The following IL31RA variants were observed in gnomAD, a reference collection of about 807,000 sequenced individuals.
IL31RA encodes the protein interleukin-31 receptor subunit alpha.
In IL31RA, 66 loss-of-function variants were observed where a neutral mutation model predicts 83.7. The ratio of observed to expected loss-of-function variants is 0.79; its 90% CI spans 0.65 to 0.97. IL31RA has a LOEUF of 0.97. IL31RA is among the 50% of genes least tolerant of loss of function. The probability of loss-of-function intolerance (pLI) is 0.00; values close to 1 mark genes in which losing one functional copy is unlikely to be tolerated. For synonymous variants in IL31RA, 325 were observed against 329.0 expected (o/e 0.99, Z 0.13); for missense variants, 798 against 919.4 (o/e 0.87, Z 1.71).
At chr5:55,890,249 A>C in intron 6 of IL31RA, 114 bp downstream of exon 6, 3 of 1,044,636 alleles carry the variant, frequency 2.9e-6, no homozygotes, top group Non-Finnish European at 4.4e-6. Flanking sequence ...TCATGACCCC[A>C]GGGGCCCCCT....
Position 55,899,940 on chromosome 5 carries a change from G to C in IL31RA, c.877G>C (p.Glu293Gln). The change falls in exon 8 of 15, where the codon GAG becomes CAG. Residue 293 changes from glutamate to glutamine, a missense_variant. Glu to Gln is a conservative substitution (Grantham distance 29). Transcript: ENST00000652347. Reference protein sequence around the residue: ...WKKARGAPVLEKTLGYNIWYY... With the variant: ...WKKARGAPVLQKTLGYNIWYY... ...GAAGGCAAGAGGAGCCCCAGTCCTA[G>C]AGAAAACACTTGGCTACAACATATG... The C allele has an allele frequency of 2.5e-6, 4 of 1,614,138 alleles. No homozygotes were observed. Among genetic ancestry groups the C allele is most frequent in the Middle Eastern group, 1.6e-4 (1 of 6,062 alleles).
At chr5:55,899,040 T>C (rs1048958784) in intron 7 of IL31RA, among the ~76,000 whole-genome samples, 2 of 151,808 alleles carry the variant, frequency 1.3e-5, no homozygotes, top group Non-Finnish European at 2.9e-5. Context: ...AATAAATAAA[T>C]ACAATAAAAT....
chr5:55,868,656 G>A, intron 2 of IL31RA, 135 bp from the exon 3 acceptor site: 1 of 749,518 alleles, frequency 1.3e-6, no homozygotes, highest in Non-Finnish European at 2.4e-6. Context: ...CTGATTGCTA[G>A]GTTACACCTA....
upstream of IL31RA, among the ~76,000 whole-genome samples, chr5:55,850,257 T>C (rs1206510190): frequency 6.6e-6 from 1 of 152,206 alleles, no homozygotes; most frequent in Non-Finnish European, 1.5e-5. Flanking sequence ...TGGAAACAAA[T>C]GTTCCTCAAT....
chr5:55,913,958 G>A (rs572419634), intron 13 of IL31RA, among the ~76,000 whole-genome samples: 35 of 152,342 alleles, frequency 2.3e-4, no homozygotes, highest in Non-Finnish European at 4.6e-4. Context: ...CAGGCAGAGC[G>A]GGGAGCAGTG....
intron 8 of IL31RA, among the ~76,000 whole-genome samples, chr5:55,904,628 T>C (rs907305452): frequency 6.6e-6 from 1 of 152,204 alleles, no homozygotes; most frequent in Admixed American, 6.5e-5. Flanking sequence ...CTGGCCTTGC[T>C]GCTAGGACTA....
intron 9 of IL31RA, 38 bp from the exon 10 acceptor site, chr5:55,907,311 ACTCTGCCGTG>A: frequency 8.8e-7 from 1 of 1,130,798 alleles, no homozygotes; most frequent in African/African-American, 1.5e-5. Context: ...TATTCCCCCC[ACTCTGCCGTG>A]CTCTGCACTT....
rs1561132794 is a variant in IL31RA, at chr5:55,921,299, C to T, written c.*4179C>T. Among the ~76,000 whole-genome samples, 2 of 152,166 alleles carry T rather than the reference C, an allele frequency of 1.3e-5. No homozygotes were observed. Among genetic ancestry groups the T allele is most frequent in the Admixed American group, 1.3e-4 (2 of 15,286 alleles). On this transcript the variant is annotated 3_prime_UTR_variant, in exon 15 of 15. Transcript: ENST00000652347. ...ATTTTTCAGCTAATTGCAAATCATACTGAATACATTATGTTCTCCCATATA... is the reference window on the plus strand; with the variant it reads ...ATTTTTCAGCTAATTGCAAATCATATTGAATACATTATGTTCTCCCATATA...
chr5:55,916,897 T>C lies in IL31RA; in HGVS notation c.2072T>C (p.Val691Ala). 6.2e-7 allele frequency: 1 copy of C among 1,614,046 alleles called. No homozygotes were observed. The highest frequency in any genetic ancestry group is 8.5e-7 in the Non-Finnish European group (1 of 1,179,960). Residue 691 changes from valine to alanine, a missense_variant, in exon 15 of 15, where the codon GTT becomes GCT. Physicochemically the swap from Val to Ala is moderately conservative, Grantham distance 64. Coordinates refer to ENST00000652347, the MANE Select transcript of IL31RA (RefSeq NM_139017.7). The stretch of plus-strand genomic sequence containing the variant: ...GGGAAAAGTTTTGAGGAGCTCCCAG[T>C]TTCACCTGAGATTCCGCCCAGAAAA... ...PLGKSFEELP[V>A]SPEIPPRKSQ...
chr5:55,846,763 G>T (rs753227141), upstream of IL31RA, among the ~76,000 whole-genome samples: 75 of 152,126 alleles, frequency 4.9e-4, no homozygotes, highest in Non-Finnish European at 8.2e-4. Flanking sequence ...CTGCACTCCA[G>T]CCTGGGTGAC....
intron 6 of IL31RA, 76 bp downstream of exon 6, chr5:55,890,211 T>C (rs1049091829): frequency 1.5e-5 from 22 of 1,433,546 alleles, no homozygotes; most frequent in Non-Finnish European, 1.8e-5. Flanking sequence ...GTGGGGTTTG[T>C]CACCACCTGG....
rs2112596493 is a variant in IL31RA at position 55,916,757 on chromosome 5, T to C, written c.1932T>C (p.Phe644=). 2 of 1,614,218 alleles carry C rather than the reference T, an allele frequency of 1.2e-6. No individual in the cohort carries two copies. The highest frequency in any genetic ancestry group is 8.5e-7 in the Non-Finnish European group (1 of 1,180,034). The part of the protein sequence containing the change: ...KLVIDKLVVN[F]GNVLQEIFTD... ...TGATTGACAAGTTGGTGGTGAACTT[T>C]GGGAATGTTCTGCAAGAAATTTTCA... The change falls in exon 15 of 15, where the codon TTT becomes TTC. Residue 644 remains phenylalanine (F), a synonymous_variant. Coordinates refer to ENST00000652347, the MANE Select transcript of IL31RA (RefSeq NM_139017.7).
At chr5:55,875,996 A>T (rs1456342249) in intron 4 of IL31RA, among the ~76,000 whole-genome samples, 1 of 152,210 alleles carries the variant, frequency 6.6e-6, no homozygotes, top group Non-Finnish European at 1.5e-5. Context: ...TAAGCATAAT[A>T]ATTTTATAAT....
intron 4 of IL31RA, 73 bp from the exon 5 acceptor site, chr5:55,882,971 A>T: frequency 7.0e-6 from 10 of 1,420,234 alleles, no homozygotes; most frequent in Admixed American, 3.5e-5. Flanking sequence ...ATTTTTTTTC[A>T]ATTTTGGGTG....
chr5:55,863,809 CACTT>C (rs955286850), intron 2 of IL31RA, among the ~76,000 whole-genome samples: 37 of 152,216 alleles, frequency 2.4e-4, no homozygotes, highest in African/African-American at 8.7e-4. Context: ...CACCTGGTGA[CACTT>C]AACGGTTCTG....
chr5:55,877,188 C>A (rs1746906111), intron 4 of IL31RA, among the ~76,000 whole-genome samples: 1 of 152,090 alleles, frequency 6.6e-6, no homozygotes, highest in Non-Finnish European at 1.5e-5. Flanking sequence ...TTATAACAAT[C>A]TAATTTGAAA....
rs547098887 is a variant in IL31RA, at chr5:55,863,731, C to T, written c.154+4132C>T. On this transcript the variant is annotated intron_variant, in intron 2 of 14. Coordinates refer to ENST00000652347, the MANE Select transcript of IL31RA (RefSeq NM_139017.7). ...AACAAATGTAGTCTCATAAGAACAG[C>T]CTGGGTTGAGCGGAAAATCATTTTT... is the stretch of plus-strand genomic sequence containing the variant. 3.9e-5 allele frequency among the ~76,000 whole-genome samples: 6 copies of T among 152,346 alleles called. No individual in the cohort carries two copies. The South Asian group carries it at 1.0e-3, about 26-fold the overall frequency.
chr5:55,921,565 T>C lies in IL31RA; in HGVS notation c.*4445T>C, dbSNP rs1224344087. Among the ~76,000 whole-genome samples the C allele has an allele frequency of 6.6e-6, 1 of 152,396 alleles. No homozygotes were observed. Among genetic ancestry groups the C allele is most frequent in the East Asian group, 1.9e-4 (1 of 5,194 alleles). On this transcript the variant is annotated 3_prime_UTR_variant, in exon 15 of 15. Coordinates refer to ENST00000652347, the MANE Select transcript of IL31RA (RefSeq NM_139017.7). ...ATGGTTGTCACATTTTGCGTGACTG[T>C]GTCCCATCAAAGGTTATGCTGATTT...
intron 5 of IL31RA, among the ~76,000 whole-genome samples, chr5:55,885,716 G>A (rs1437514539): frequency 6.6e-6 from 1 of 152,190 alleles, no homozygotes; most frequent in Non-Finnish European, 1.5e-5. Context: ...TGTTCAGAGA[G>A]ATGATAATGG....
Sources: allele counts gnomAD v4.1 joint callset (sites outside exome capture counted in the v4.1 genomes callset), GRCh38; gene constraint gnomAD v4.1.1; transcripts MANE v1.5; gene names NCBI Gene and HGNC (gene_info 2026-07-23, HGNC 2026-07-21).